Variants in WARS1 observed in about 807,000 individuals in gnomAD.
The protein encoded by WARS1 is tryptophanyl-tRNA synthetase 1.
Under a neutral mutation model 47.8 loss-of-function variants are expected in WARS1, and 17 were observed. That is an observed-to-expected ratio of 0.36 (90% CI 0.24 to 0.53). The LOEUF is 0.53. Ranked by LOEUF, WARS1 falls within the 20% of genes least tolerant of loss-of-function variation. The pLI, the probability that WARS1 is intolerant of heterozygous loss-of-function variation, is 0.91. For missense variants in WARS1, 434 were observed against 608.0 expected, an observed-to-expected ratio of 0.71 and a Z score of 3.01; for synonymous variants, 208 against 228.1, an observed-to-expected ratio of 0.91 and a Z score of 0.79.
chr14:100,356,987 C>T lies in WARS1; in HGVS notation c.423-2421G>A, dbSNP rs200242574. ...GATTAAGTGGAATTTGTTCCAGGAA[C>T]GCAAGGTTGATTAAACACGCAAAAA... On this transcript the variant is annotated intron_variant, in intron 4 of 10. Coordinates refer to ENST00000392882, the MANE Select transcript of WARS1 (RefSeq NM_004184.4). 1.8e-3 allele frequency among the ~76,000 whole-genome samples: 267 copies of T among 152,212 alleles called. 4 individuals carry two copies. The highest frequency in any genetic ancestry group is 6.1e-3 in the African/African-American group (255 of 41,526).
chr14:100,363,821 C>T (rs1224812124), intron 2 of WARS1, among the ~76,000 whole-genome samples: 1 of 152,112 alleles, frequency 6.6e-6, no homozygotes, highest in Non-Finnish European at 1.5e-5. Flanking sequence ...GAGACAGGGT[C>T]TCACTATATT....
intron 2 of WARS1, among the ~76,000 whole-genome samples, chr14:100,367,379 G>C (rs1274206977): frequency 1.3e-5 from 2 of 152,064 alleles, no homozygotes; most frequent in African/African-American, 4.8e-5. Flanking sequence ...CATGAGGTCA[G>C]GAGTTTGAGA....
At chr14:100,337,287 C>G in intron 9 of WARS1, 85 bp from the exon 10 acceptor site, 1 of 1,565,256 alleles carries the variant, frequency 6.4e-7, no homozygotes, top group South Asian at 1.1e-5. Flanking sequence ...GTGTGGAAGT[C>G]AGAGGTGTGA....
At chr14:100,336,644 C>CA (rs1246091537) in intron 10 of WARS1, among the ~76,000 whole-genome samples, 5 of 152,188 alleles carry the variant, frequency 3.3e-5, no homozygotes, top group African/African-American at 1.2e-4. Context: ...TACCCAGTAC[C>CA]AAACTGCTTC....
intron 9 of WARS1, among the ~76,000 whole-genome samples, chr14:100,338,455 C>T (rs755432927): frequency 2.4e-4 from 36 of 152,112 alleles, no homozygotes; most frequent in Non-Finnish European, 3.8e-4. Flanking sequence ...TTTGTAGAGA[C>T]CAGGTTTTGT....
intron 4 of WARS1, among the ~76,000 whole-genome samples, chr14:100,356,752 C>A (rs1566855422): frequency 6.6e-6 from 1 of 151,526 alleles, no homozygotes; most frequent in African/African-American, 2.4e-5. Context: ...CAAGCTTTTC[C>A]AAAAAAAATT....
intron 8 of WARS1, among the ~76,000 whole-genome samples, chr14:100,342,851 A>G (rs1307881777): frequency 1.3e-5 from 2 of 151,434 alleles, no homozygotes; most frequent in African/African-American, 2.4e-5. Context: ...CCCCGCATGC[A>G]TTAGGTATTT....
chr14:100,346,621 C>T, intron 7 of WARS1, 125 bp downstream of exon 7: 4 of 777,334 alleles, frequency 5.1e-6, no homozygotes, highest in Non-Finnish European at 6.4e-6. Flanking sequence ...GGGCATCCTA[C>T]TTAAAGAGAC....
chr14:100,365,924 G>A lies in WARS1; in HGVS notation c.99+3163C>T. ...TACACTGTTACGGAATCACCCAAAG[G>A]TTCGGGCCTTAGTGACCTTGCGCAC... is the stretch of plus-strand genomic sequence containing the variant. On this transcript the variant is annotated intron_variant, in intron 2 of 10. Transcript: ENST00000392882. 5 of 436,504 alleles carry A rather than the reference G, an allele frequency of 1.1e-5. No individual in the cohort carries two copies. The Admixed American group carries it at 1.2e-4, about 11-fold the overall frequency. The allele number at this position is 436,504 out of a possible 1,614,324, so 27.0% of individuals were successfully genotyped here.
intron 9 of WARS1, among the ~76,000 whole-genome samples, chr14:100,338,719 C>T (rs1022231488): frequency 6.6e-6 from 1 of 151,870 alleles, no homozygotes; most frequent in African/African-American, 2.4e-5. Context: ...CAGGCATGAG[C>T]CACTGTGCCC....
intron 1 of WARS1, among the ~76,000 whole-genome samples, chr14:100,371,505 C>T (rs1449920584): frequency 3.4e-5 from 5 of 145,896 alleles, no homozygotes; most frequent in Admixed American, 2.8e-4. Flanking sequence ...GTAATCCCAG[C>T]ACTTTGGGAG....
intron 7 of WARS1, among the ~76,000 whole-genome samples, chr14:100,344,319 G>A (rs1221415095): frequency 1.3e-5 from 2 of 152,110 alleles, no homozygotes; most frequent in Admixed American, 6.5e-5. Flanking sequence ...TCCTAACCGC[G>A]AGTGATCAGC....
At chr14:100,371,447 C>CAAAAAAAAAAAAAAAAAAAATAAAA (rs60977618) in intron 1 of WARS1, among the ~76,000 whole-genome samples, 1 of 89,102 alleles carries the variant, frequency 1.1e-5, no homozygotes. Flanking sequence ...GGTTCTGTCT[C>CAAAAAAAAAAAAAAAAAAAATAAAA]AAAAAAAAAA....
In WARS1 at chr14:100,337,100, A is replaced by G. The variant is rs751363632; in HGVS notation, c.1216T>C (p.Phe406Leu). 3.1e-6 allele frequency: 5 copies of G among 1,614,112 alleles called. No homozygotes were observed. The highest frequency in any genetic ancestry group is 1.7e-5 in the Admixed American group (1 of 60,022). The change falls in exon 10 of 11, where the codon TTC becomes CTC. Residue 406 changes from phenylalanine (F) to leucine (L), a missense_variant. Phe to Leu is a conservative substitution (Grantham distance 22). Coordinates refer to ENST00000392882, the MANE Select transcript of WARS1 (RefSeq NM_004184.4). ...TCGAGCTTGTCGTCGTCCTCGAGGA[A>G]GAAGGTCAGGTACATGAAAGACACG... ...VDVSFMYLTF[F>L]LEDDDKLEQI...
intron 4 of WARS1, 28 bp from the exon 5 acceptor site, chr14:100,354,594 T>C (rs746397038): frequency 1.8e-5 from 29 of 1,575,848 alleles, no homozygotes; most frequent in Admixed American, 3.8e-5. Flanking sequence ...AGAGGAAGAG[T>C]GTGATTTTCT....
chr14:100,347,027 A>G (rs1228249641), intron 6 of WARS1, among the ~76,000 whole-genome samples, 181 bp from the exon 7 acceptor site: 1 of 152,264 alleles, frequency 6.6e-6, no homozygotes, highest in African/African-American at 2.4e-5. Flanking sequence ...AGATACCTGC[A>G]TCAGGCAAAG....
chr14:100,342,353 T>C (rs1450984418), intron 9 of WARS1, 45 bp downstream of exon 9: 3 of 1,610,392 alleles, frequency 1.9e-6, no homozygotes, highest in East Asian at 4.5e-5. Context: ...CCCCAGGGCA[T>C]GTTTCTGATC....
At chr14:100,343,882 C>G (rs1355740828) in intron 7 of WARS1, among the ~76,000 whole-genome samples, 1 of 152,218 alleles carries the variant, frequency 6.6e-6, no homozygotes, top group Non-Finnish European at 1.5e-5. Context: ...ATCTGCCCAC[C>G]TCGGCCTCCC....
chr14:100,347,443 ACT>A (rs1007720048), intron 6 of WARS1, among the ~76,000 whole-genome samples: 13 of 151,854 alleles, frequency 8.6e-5, no homozygotes, highest in African/African-American at 3.1e-4. Context: ...AAGCAACCCA[ACT>A]CTCTCTTCTG....
Sources: allele counts gnomAD v4.1 joint callset (sites outside exome capture counted in the v4.1 genomes callset), GRCh38; gene constraint gnomAD v4.1.1; transcripts MANE v1.5; gene names NCBI Gene and HGNC (gene_info 2026-07-23, HGNC 2026-07-21).